TRNT1: variants seen among roughly 807,000 people sequenced by gnomAD.
The protein encoded by TRNT1 is CCA tRNA nucleotidyltransferase 1, mitochondrial.
A neutral mutation model predicts 45.6 loss-of-function variants in TRNT1; 44 were observed. The observed-to-expected ratio is 0.97, with a 90% CI of 0.76 to 1.24. The LOEUF is 1.24. Ranked by LOEUF, TRNT1 falls within the 50% of genes most tolerant of loss-of-function variation. The pLI, the probability that TRNT1 is intolerant of heterozygous loss-of-function variation, is 0.00. For synonymous variants in TRNT1, 201 were observed against 171.4 expected, an observed-to-expected ratio of 1.17 and a Z score of -1.35; for missense variants, 633 against 504.4, an observed-to-expected ratio of 1.25 and a Z score of -2.44.
chr3:3,148,677 A>G lies in TRNT1; in HGVS notation c.*523A>G, dbSNP rs1161005770. 6.6e-6 allele frequency: 1 copy of G among 152,556 alleles called. No individual in the cohort carries two copies. Among genetic ancestry groups the G allele is most frequent in the Non-Finnish European group, 1.5e-5 (1 of 68,334 alleles). The allele number at this position is 152,556 out of a possible 1,614,324, so 9.5% of individuals were successfully genotyped here. A position where few individuals can be genotyped will look rare whatever the true frequency, so the allele number is the denominator to read the frequency against. The stretch of plus-strand genomic sequence containing the variant: ...TGTGTCCCCAGTTGCTGGCATTCAT[A>G]TGTACAGGATTTGTTCTAGCAAGCT... On this transcript the variant is annotated 3_prime_UTR_variant, in exon 8 of 8. Coordinates refer to ENST00000251607, the MANE Select transcript of TRNT1 (RefSeq NM_182916.3).
At chr3:3,149,217 G>A (rs1387258598), downstream of TRNT1, 1 of 152,068 alleles carries the variant, frequency 6.6e-6, no homozygotes, top group Non-Finnish European at 1.5e-5. Context: ...GAAAGCCTCA[G>A]AAATGACTGC....
At chr3:3,145,446 T>G (rs1250246275) in intron 5 of TRNT1, 2 of 139,520 alleles carry the variant, frequency 1.4e-5, no homozygotes, top group Admixed American at 8.2e-5. Flanking sequence ...GAGCTTGCAG[T>G]GAGCCGAGAT....
At chr3:3,144,354 A>G (rs1204215881) in intron 4 of TRNT1, among the ~76,000 whole-genome samples, 3 of 152,104 alleles carry the variant, frequency 2.0e-5, no homozygotes, top group Admixed American at 6.5e-5. Context: ...TGTTTAGTTT[A>G]TTCTTGGATT....
intron 2 of TRNT1, among the ~76,000 whole-genome samples, chr3:3,133,130 G>T (rs1705116967): frequency 6.6e-6 from 1 of 152,120 alleles, no homozygotes; most frequent in Non-Finnish European, 1.5e-5. Flanking sequence ...TGTAAAATTA[G>T]TTTTCAGTAT....
intron 4 of TRNT1, among the ~76,000 whole-genome samples, chr3:3,144,050 T>C (rs543609030): frequency 3.6e-4 from 55 of 152,374 alleles, no homozygotes; most frequent in African/African-American, 1.3e-3. Flanking sequence ...CTTATGACTT[T>C]GTGTGTGATA....
At chr3:3,149,704 T>TGGAAGTA (rs1559235799), downstream of TRNT1, 1 of 152,100 alleles carries the variant, frequency 6.6e-6, no homozygotes, top group Non-Finnish European at 1.5e-5. Context: ...CATATCCTGA[T>TGGAAGTA]TGGAAGTATT....
At position 3,147,682 on chromosome 3, in the gene TRNT1, C is replaced by CTA; in HGVS notation, c.1037_1038dup (p.Gln347IlefsTer6). On this transcript the variant is annotated frameshift_variant, in exon 7 of 8. Transcript: ENST00000251607. LOFTEE classifies it high-confidence loss of function. The stretch of plus-strand genomic sequence containing the variant: ...CAGATAGTTCAGACCCATTGAAACC[C>CTA]TATCAAGACTTCATTATAGATGTAA... 1 of 1,612,174 alleles carries CTA rather than the reference C, an allele frequency of 6.2e-7. No homozygotes were observed. The highest frequency in any genetic ancestry group is 8.5e-7 in the Non-Finnish European group (1 of 1,179,074).
chr3:3,149,233 G>T (rs912696065), downstream of TRNT1: 4 of 152,018 alleles, frequency 2.6e-5, no homozygotes, highest in African/African-American at 9.7e-5. Context: ...ACTGCATACA[G>T]GTCAGTAATT....
chr3:3,129,036 T>C lies in TRNT1; in HGVS notation c.-5T>C. 1 of 1,602,788 alleles carries C rather than the reference T, an allele frequency of 6.2e-7. No individual in the cohort carries two copies. The highest frequency in any genetic ancestry group is 8.5e-7 in the Non-Finnish European group (1 of 1,173,318). ...TAGATGTGTAGTTGGTGACTGCCTC[T>C]CCAGATGCTGAGGTGCCTGTATCAT... is the stretch of plus-strand genomic sequence containing the variant. On this transcript the variant is annotated 5_prime_UTR_variant, in exon 2 of 8. Transcript: ENST00000251607.
rs1705592528 is a variant in TRNT1 at position 3,140,642 on chromosome 3, T to G, written c.475T>G (p.Phe159Val). 6.2e-7 allele frequency: 1 copy of G among 1,613,734 alleles called. No homozygotes were observed. The highest frequency in any genetic ancestry group is 2.2e-5 in the East Asian group (1 of 44,864). The change falls in exon 4 of 8, where the codon TTT becomes GTT. Residue 159 changes from phenylalanine to valine, a missense_variant. Phe to Val is a conservative substitution (Grantham distance 50). Coordinates refer to ENST00000251607, the MANE Select transcript of TRNT1 (RefSeq NM_182916.3). ...ERRDLTINSM[F>V]LGFDGTLFDY... ...CAGAGATCTCACTATAAATTCTATG[T>G]TTTTAGGTAATATTTGCAGATAAAA... is the stretch of plus-strand genomic sequence containing the variant.
chr3:3,152,150 A>ATAT (rs1553559004), downstream of TRNT1, among the ~76,000 whole-genome samples: 1 of 147,096 alleles, frequency 6.8e-6, no homozygotes, highest in Non-Finnish European at 1.5e-5. Context: ...ATTTAAATAA[A>ATAT]TTTTTTTTTT....
chr3:3,143,647 G>A (rs1483432521), intron 4 of TRNT1, among the ~76,000 whole-genome samples: 1 of 152,188 alleles, frequency 6.6e-6, no homozygotes, highest in Non-Finnish European at 1.5e-5. Flanking sequence ...GGAGGCTGAG[G>A]CATGCAGATC....
At chr3:3,146,385 T>TA (rs757509712) in intron 5 of TRNT1, 45 bp from the exon 6 acceptor site, 1 of 1,464,378 alleles carries the variant, frequency 6.8e-7, no homozygotes, top group South Asian at 1.3e-5. Context: ...TTGCTTGTGA[T>TA]ATGCCAATAT....
At chr3:3,136,719 A>C (rs1485290765) in intron 2 of TRNT1, 1 of 409,684 alleles carries the variant, frequency 2.4e-6, no homozygotes, top group Admixed American at 3.0e-5. Context: ...CAGTGGCACG[A>C]TCATAGCTCA....
intron 2 of TRNT1, chr3:3,136,807 A>G: frequency 2.9e-6 from 1 of 340,270 alleles, no homozygotes. Context: ...GGTGTGCGCC[A>G]CTGAACCTGG....
downstream of TRNT1, among the ~76,000 whole-genome samples, chr3:3,151,507 C>CTAAAA (rs1706550574): frequency 6.6e-6 from 1 of 152,142 alleles, no homozygotes; most frequent in African/African-American, 2.4e-5. Flanking sequence ...TATTTATATT[C>CTAAAA]TAAAATAAGA....
chr3:3,135,331 G>T (rs1315698392), intron 2 of TRNT1, among the ~76,000 whole-genome samples: 5 of 152,140 alleles, frequency 3.3e-5, no homozygotes, highest in African/African-American at 9.7e-5. Flanking sequence ...AATAGGTCAT[G>T]GAAGCCTTTG....
chr3:3,150,603 T>C (rs1359654177), downstream of TRNT1: 7 of 380,598 alleles, frequency 1.8e-5, no homozygotes, highest in Non-Finnish European at 3.5e-5. Flanking sequence ...ACCAGACATA[T>C]CAGATTCCAC....
At chr3:3,149,877 AAGTT>A, downstream of TRNT1, 1 of 152,156 alleles carries the variant, frequency 6.6e-6, no homozygotes, top group Non-Finnish European at 1.5e-5. Context: ...AATAAAACGA[AAGTT>A]ATCATACAAA....
Sources: allele counts gnomAD v4.1 joint callset (sites outside exome capture counted in the v4.1 genomes callset), GRCh38; gene constraint gnomAD v4.1.1; transcripts MANE v1.5; gene names NCBI Gene and HGNC (gene_info 2026-07-23, HGNC 2026-07-21).